PAAF1: variants seen among roughly 807,000 people sequenced by gnomAD.
The protein encoded by PAAF1 is proteasomal ATPase associated factor 1.
A neutral mutation model predicts 52.8 loss-of-function variants in PAAF1; 46 were observed. The ratio of observed to expected loss-of-function variants is 0.87; its 90% confidence interval spans 0.69 to 1.11. PAAF1 has a LOEUF of 1.11. Ranked by LOEUF, PAAF1 falls within the 50% of genes most tolerant of loss-of-function variation. PAAF1 has a pLI of 0.00. For missense variants in PAAF1, 424 were observed against 477.4 expected (o/e 0.89, Z 1.04); for synonymous variants, 178 against 172.8 (o/e 1.03, Z -0.24).
At position 73,906,246 on chromosome 11, in the gene PAAF1, C is replaced by T. The variant is rs184870247; in HGVS notation, c.533-3153C>T. On this transcript the variant is annotated intron_variant, in intron 6 of 11. Transcript: ENST00000310571. Reference sequence around the variant, plus strand: ...GTTGCCAGCTGTATAAATTGAATTTCGTTTAGTTTTGTTTGTTTGTTTGTT... The same window carrying T: ...GTTGCCAGCTGTATAAATTGAATTTTGTTTAGTTTTGTTTGTTTGTTTGTT... 4.6e-3 allele frequency among the ~76,000 whole-genome samples: 699 copies of T among 151,790 alleles called. 4 individuals carry two copies. The highest frequency in any genetic ancestry group is 8.8e-3 in the African/African-American group (364 of 41,510).
At chr11:73,889,060 T>A (rs1415429159) in intron 3 of PAAF1, 11 of 724,326 alleles carry the variant, frequency 1.5e-5, no homozygotes, top group Non-Finnish European at 2.1e-5. Context: ...TATGCTGGAA[T>A]TGAAACCCAG....
chr11:73,901,192 A>C (rs1949602417), intron 6 of PAAF1, among the ~76,000 whole-genome samples: 1 of 150,654 alleles, frequency 6.6e-6, no homozygotes, highest in Non-Finnish European at 1.5e-5. Flanking sequence ...GCATCATCAG[A>C]CATTATGATA....
At chr11:73,880,962 T>A (rs1459158138) in intron 2 of PAAF1, among the ~76,000 whole-genome samples, 2 of 152,068 alleles carry the variant, frequency 1.3e-5, no homozygotes, top group African/African-American at 4.8e-5. Flanking sequence ...ATCGTGCCAT[T>A]GCACTCCAGC....
At chr11:73,901,057 A>G (rs1406810988) in intron 6 of PAAF1, among the ~76,000 whole-genome samples, 1 of 149,152 alleles carries the variant, frequency 6.7e-6, no homozygotes, top group Non-Finnish European at 1.5e-5. Flanking sequence ...AATCCTCTCC[A>G]GGAAATCGTA....
chr11:73,893,184 A>G (rs1949244139), intron 4 of PAAF1, among the ~76,000 whole-genome samples: 1 of 152,192 alleles, frequency 6.6e-6, no homozygotes, highest in Admixed American at 6.5e-5. Flanking sequence ...AAATTAGAAT[A>G]CATTTGTAAA....
intron 9 of PAAF1, among the ~76,000 whole-genome samples, chr11:73,917,416 T>C (rs1253637447): frequency 1.3e-5 from 2 of 152,234 alleles, no homozygotes; most frequent in Admixed American, 1.3e-4. Context: ...CTTAAAGATA[T>C]CCAAAGAGAA....
intron 4 of PAAF1, among the ~76,000 whole-genome samples, chr11:73,895,990 A>G (rs1031543634): frequency 5.9e-5 from 9 of 152,156 alleles, no homozygotes; most frequent in African/African-American, 2.2e-4. Flanking sequence ...CATGTTTGTA[A>G]TCTCAGCTAT....
intron 10 of PAAF1, 110 bp downstream of exon 10, chr11:73,919,142 T>C (rs1401973634): frequency 1.1e-6 from 1 of 894,292 alleles, no homozygotes; most frequent in Non-Finnish European, 1.7e-6. Context: ...CCCATGATTC[T>C]TTGGCATATT....
chr11:73,908,305 A>ATG (rs1354683099), intron 6 of PAAF1, among the ~76,000 whole-genome samples: 1 of 144,666 alleles, frequency 6.9e-6, no homozygotes, highest in Non-Finnish European at 1.5e-5. Flanking sequence ...GTGTGTATAT[A>ATG]TGTATATATA....
At chr11:73,888,117 T>C (rs1394054626) in intron 3 of PAAF1, among the ~76,000 whole-genome samples, 1 of 152,232 alleles carries the variant, frequency 6.6e-6, no homozygotes, top group African/African-American at 2.4e-5. Context: ...CTGTAAATAA[T>C]ACTAAAAATT....
At chr11:73,910,775 G>A (rs1345417992) in intron 7 of PAAF1, among the ~76,000 whole-genome samples, 1 of 152,072 alleles carries the variant, frequency 6.6e-6, no homozygotes, top group Admixed American at 6.6e-5. Flanking sequence ...CGATTCACAA[G>A]GTCAGGAGCT....
intron 3 of PAAF1, chr11:73,889,325 C>T (rs1011535167): frequency 8.3e-6 from 7 of 846,938 alleles, no homozygotes; most frequent in Non-Finnish European, 8.2e-6. Flanking sequence ...CTACATTGTT[C>T]TCTTAAACAG....
intron 4 of PAAF1, among the ~76,000 whole-genome samples, chr11:73,898,051 C>T (rs1034965394): frequency 2.0e-5 from 3 of 152,276 alleles, no homozygotes; most frequent in East Asian, 1.9e-4. Context: ...GGCGTGGCGG[C>T]GCGCGCCTGC....
At chr11:73,910,786 C>T (rs1232308087) in intron 7 of PAAF1, among the ~76,000 whole-genome samples, 1 of 151,884 alleles carries the variant, frequency 6.6e-6, no homozygotes, top group Non-Finnish European at 1.5e-5. Context: ...GTCAGGAGCT[C>T]GAAACCAGTC....
chr11:73,927,602 C>G lies in PAAF1; in HGVS notation c.*240C>G, dbSNP rs536831627. On this transcript the variant is annotated 3_prime_UTR_variant, in exon 12 of 12. Coordinates refer to ENST00000310571, the MANE Select transcript of PAAF1 (RefSeq NM_025155.3). ...CCAACTTCTCCTTGTATAAACTCAC[C>G]CCAGCAACACAGGGCAAGGATATAG... is the stretch of plus-strand genomic sequence containing the variant. 150 of 570,798 alleles carry G rather than the reference C, an allele frequency of 2.6e-4. 1 individual carries two copies. Among genetic ancestry groups the G allele is most frequent in the Non-Finnish European group, 4.0e-4 (128 of 320,642 alleles). 35.4% of individuals were successfully genotyped at this position (570,798 alleles called of 1,614,324 possible).
At chr11:73,881,639 A>T (rs1011217694) in intron 2 of PAAF1, among the ~76,000 whole-genome samples, 3 of 151,876 alleles carry the variant, frequency 2.0e-5, no homozygotes, top group Non-Finnish European at 2.9e-5. Flanking sequence ...AACAAACTTA[A>T]TGTTGTTGTT....
At chr11:73,926,680 G>C (rs1324967975) in intron 11 of PAAF1, among the ~76,000 whole-genome samples, 1 of 152,152 alleles carries the variant, frequency 6.6e-6, no homozygotes, top group Non-Finnish European at 1.5e-5. Flanking sequence ...CTGCACTCCA[G>C]CCTGAGCGAC....
At chr11:73,887,244 G>A (rs1248114261) in intron 2 of PAAF1, 110 bp from the exon 3 acceptor site, 1 of 685,376 alleles carries the variant, frequency 1.5e-6, no homozygotes, top group Non-Finnish European at 2.3e-6. Context: ...TTCTTTCGTG[G>A]GCCAATTTCA....
intron 6 of PAAF1, among the ~76,000 whole-genome samples, chr11:73,901,719 C>T (rs1313950919): frequency 6.6e-6 from 1 of 151,898 alleles, no homozygotes; most frequent in Admixed American, 6.6e-5. Context: ...TACGGGTACA[C>T]GCCCCACACC....
Sources: allele counts gnomAD v4.1 joint callset (sites outside exome capture counted in the v4.1 genomes callset), GRCh38; gene constraint gnomAD v4.1.1; transcripts MANE v1.5; gene names NCBI Gene and HGNC (gene_info 2026-07-23, HGNC 2026-07-21).